Variants in ZNF717 observed in about 807,000 individuals in gnomAD.
The protein encoded by ZNF717 is krueppel-like factor X17.
Under a neutral mutation model 13.8 loss-of-function variants are expected in ZNF717, and 9 were observed. The observed-to-expected ratio is 0.65, with a 90% CI of 0.39 to 1.14. The LOEUF is 1.14. Among genes scored for constraint, ZNF717 ranks in the 50% most tolerant of loss-of-function variants. ZNF717 has a pLI of 0.01. For synonymous variants in ZNF717, 327 were observed against 364.1 expected, an observed-to-expected ratio of 0.90 and a Z score of 1.16; for missense variants, 1,040 against 1,080.7, an observed-to-expected ratio of 0.96 and a Z score of 0.53.
intron 2 of ZNF717, among the ~76,000 whole-genome samples, chr3:75,755,284 T>C (rs1483697436): frequency 2.0e-5 from 3 of 152,244 alleles, no homozygotes; most frequent in African/African-American, 7.2e-5. Context: ...AGAATTGTGG[T>C]ACAATAAAAA....
At chr3:75,755,376 TA>T (rs1252460229) in intron 2 of ZNF717, among the ~76,000 whole-genome samples, 1 of 152,240 alleles carries the variant, frequency 6.6e-6, no homozygotes, top group African/African-American at 2.4e-5. Flanking sequence ...TGTATGCTTA[TA>T]CACAAGTGAA....
intron 2 of ZNF717, among the ~76,000 whole-genome samples, chr3:75,748,407 T>C (rs1442261733): frequency 6.6e-6 from 1 of 152,166 alleles, no homozygotes. Flanking sequence ...TTTAGACCAA[T>C]ATCCCTGATG....
At chr3:75,728,781 C>A (rs1335570195), downstream of ZNF717, among the ~76,000 whole-genome samples, 172 of 151,728 alleles carry the variant, frequency 1.1e-3, no homozygotes, top group Non-Finnish European at 2.2e-3. Context: ...TATAAATGAC[C>A]CAGTCTTGAG....
At chr3:75,706,159 T>C (rs1937799377), downstream of ZNF717, among the ~76,000 whole-genome samples, 1 of 152,416 alleles carries the variant, frequency 6.6e-6, no homozygotes. Context: ...GATAAAGCTT[T>C]TTAATTTTTA....
chr3:75,759,490 T>C (rs1448909008), intron 2 of ZNF717, among the ~76,000 whole-genome samples: 2 of 150,654 alleles, frequency 1.3e-5, no homozygotes, highest in Non-Finnish European at 2.9e-5. Flanking sequence ...TTAGCCCGGA[T>C]GGTCTCGATC....
At chr3:75,751,382 C>A (rs1373962182) in intron 2 of ZNF717, among the ~76,000 whole-genome samples, 2 of 151,624 alleles carry the variant, frequency 1.3e-5, no homozygotes, top group Non-Finnish European at 2.9e-5. Flanking sequence ...CATAGGATTC[C>A]AGAACTCTCC....
downstream of ZNF717, among the ~76,000 whole-genome samples, chr3:75,733,454 C>T (rs1430358886): frequency 6.6e-6 from 1 of 152,148 alleles, no homozygotes; most frequent in Non-Finnish European, 1.5e-5. Context: ...GTGGAGTGGA[C>T]AACATCTTAC....
downstream of ZNF717, among the ~76,000 whole-genome samples, chr3:75,704,675 C>T (rs534470882): frequency 1.3e-5 from 2 of 152,420 alleles, no homozygotes; most frequent in Admixed American, 6.5e-5. Context: ...CCACCTTCCG[C>T]TCTCTGTCCC....
chr3:75,698,065 T>C (rs2918566), intron 6 of ZNF717, among the ~76,000 whole-genome samples: 7,891 of 100,348 alleles, frequency 0.079, 1 homozygote, highest in East Asian at 0.24. Context: ...TGATTTAGGG[T>C]TTCTGTTGGA....
At chr3:75,765,035 A>ATATATATATATGTATGTGTG (rs1559662069) in intron 2 of ZNF717, among the ~76,000 whole-genome samples, 7 of 81,792 alleles carry the variant, frequency 8.6e-5, no homozygotes, top group Admixed American at 2.6e-4. Context: ...ATATATGTAT[A>ATATATATATATGTATGTGTG]TGTGTGTGTG....
chr3:75,783,634 C>T (rs1944972264), intron 1 of ZNF717, among the ~76,000 whole-genome samples: 2 of 152,152 alleles, frequency 1.3e-5, no homozygotes, highest in Admixed American at 1.3e-4. Flanking sequence ...AATTTAGCAA[C>T]AATATTACCT....
chr3:75,762,137 T>C (rs1943085965), intron 2 of ZNF717, among the ~76,000 whole-genome samples: 1 of 150,928 alleles, frequency 6.6e-6, no homozygotes, highest in Non-Finnish European at 1.5e-5. Flanking sequence ...GAAAAGAAAT[T>C]TTTAAAAAGA....
At chr3:75,730,762 G>A (rs1938483501) in intron 5 of ZNF717, 1 of 570,804 alleles carries the variant, frequency 1.8e-6, no homozygotes, top group Admixed American at 3.3e-5. Flanking sequence ...GAAATAGACT[G>A]TTAAAACCAA....
intron 2 of ZNF717, among the ~76,000 whole-genome samples, chr3:75,780,469 A>T (rs1301278494): frequency 6.6e-6 from 1 of 152,196 alleles, no homozygotes; most frequent in Non-Finnish European, 1.5e-5. Flanking sequence ...CAGTGGCAAG[A>T]TCTTGGCTCA....
At chr3:75,698,542 C>T (rs1314129326) in intron 6 of ZNF717, among the ~76,000 whole-genome samples, 3 of 152,308 alleles carry the variant, frequency 2.0e-5, no homozygotes, top group Non-Finnish European at 2.9e-5. Flanking sequence ...TCAGTTACAA[C>T]TCCAGTCACT....
chr3:75,706,528 C>T (rs1937806114), downstream of ZNF717, among the ~76,000 whole-genome samples: 1 of 152,308 alleles, frequency 6.6e-6, no homozygotes, highest in African/African-American at 2.4e-5. Flanking sequence ...CCAGGCCTCA[C>T]AGAGGAGGTG....
At chr3:75,701,330 C>A (rs796532428) in intron 6 of ZNF717, among the ~76,000 whole-genome samples, 25 of 146,300 alleles carry the variant, frequency 1.7e-4, no homozygotes, top group African/African-American at 5.5e-4. Flanking sequence ...CTGAGGCCTC[C>A]CCAGCCATTT....
chr3:75,741,510 A>C, intron 3 of ZNF717, 100 bp downstream of exon 3: 1 of 1,474,748 alleles, frequency 6.8e-7, no homozygotes, highest in Non-Finnish European at 9.3e-7. Context: ...TTTTTCATCA[A>C]CTGGAAGCTT....
At chr3:75,697,265 C>T (rs796607021) in intron 6 of ZNF717, among the ~76,000 whole-genome samples, 1 of 152,308 alleles carries the variant, frequency 6.6e-6, no homozygotes, top group Non-Finnish European at 1.5e-5. Context: ...ATGATATAAT[C>T]TTATATTGGC....
Sources: allele counts gnomAD v4.1 joint callset (sites outside exome capture counted in the v4.1 genomes callset), GRCh38; gene constraint gnomAD v4.1.1; transcripts MANE v1.5; gene names NCBI Gene and HGNC (gene_info 2026-07-23, HGNC 2026-07-21).